The following PTPRT variants were observed in gnomAD, a reference collection of about 807,000 sequenced individuals.
PTPRT encodes the protein protein tyrosine phosphatase receptor type T.
Under a neutral mutation model 176.8 loss-of-function variants are expected in PTPRT, and 56 were observed. The ratio of observed to expected loss-of-function variants is 0.32; its 90% CI spans 0.26 to 0.40. The LOEUF (loss-of-function observed/expected upper bound fraction) is 0.40. Among genes scored for constraint, PTPRT ranks in the 10% least tolerant of loss-of-function variants. PTPRT has a pLI of 1.00. For missense variants in PTPRT, 1,540 were observed against 1,908.2 expected (o/e 0.81, Z 3.60); for synonymous variants, 783 against 739.0 (o/e 1.06, Z -0.96).
chr20:42,751,496 T>C (rs770465698), intron 6 of PTPRT, among the ~76,000 whole-genome samples: 7 of 152,138 alleles, frequency 4.6e-5, no homozygotes, highest in African/African-American at 1.4e-4. Context: ...TGCAAAGTAT[T>C]GTTTCTGGGT....
At chr20:42,695,125 AG>A (rs2075854667) in intron 6 of PTPRT, among the ~76,000 whole-genome samples, 1 of 152,240 alleles carries the variant, frequency 6.6e-6, no homozygotes, top group Non-Finnish European at 1.5e-5. Context: ...TCTAGACATT[AG>A]TCCTTTGTCA....
At chr20:42,347,968 C>T (rs972209560) in intron 11 of PTPRT, among the ~76,000 whole-genome samples, 1 of 152,168 alleles carries the variant, frequency 6.6e-6, no homozygotes, top group East Asian at 1.9e-4. Flanking sequence ...TTTACTGGAG[C>T]CTCAAGAGGA....
intron 15 of PTPRT, among the ~76,000 whole-genome samples, chr20:42,231,598 A>G (rs779782721): frequency 1.3e-5 from 2 of 152,194 alleles, no homozygotes; most frequent in African/African-American, 2.4e-5. Flanking sequence ...CAGGAGCTCA[A>G]TAAGACAGGA....
At chr20:42,114,693 A>G (rs1360424747) in intron 22 of PTPRT, among the ~76,000 whole-genome samples, 1 of 152,152 alleles carries the variant, frequency 6.6e-6, no homozygotes. Context: ...GTGTCAACCA[A>G]AAATGTTGCC....
chr20:43,113,695 CTT>C (rs2012950843), intron 1 of PTPRT, among the ~76,000 whole-genome samples: 1 of 152,166 alleles, frequency 6.6e-6, no homozygotes, highest in African/African-American at 2.4e-5. Flanking sequence ...CAAGGATAGA[CTT>C]AAAACTCCCA....
chr20:42,109,038 T>TAG (rs1986779396), intron 23 of PTPRT, among the ~76,000 whole-genome samples: 1 of 152,088 alleles, frequency 6.6e-6, no homozygotes, highest in Non-Finnish European at 1.5e-5. Flanking sequence ...TGCTATGAGA[T>TAG]ATAAAGCAAA....
intron 1 of PTPRT, among the ~76,000 whole-genome samples, chr20:43,166,733 AAG>A (rs2014869028): frequency 6.6e-6 from 1 of 152,210 alleles, no homozygotes; most frequent in South Asian, 2.1e-4. Context: ...TAAGGGGGGT[AAG>A]AGAGAAAAAC....
At chr20:42,499,399 C>T (rs2071711699) in intron 7 of PTPRT, among the ~76,000 whole-genome samples, 1 of 151,592 alleles carries the variant, frequency 6.6e-6, no homozygotes, top group African/African-American at 2.4e-5. Flanking sequence ...TCAAGCGATT[C>T]TACTGCCTCA....
intron 7 of PTPRT, among the ~76,000 whole-genome samples, chr20:42,508,126 T>TG (rs61231761): frequency 0.15 from 22,750 of 146,802 alleles, 4,495 homozygotes; most frequent in African/African-American, 0.48. Flanking sequence ...AATTACCCTT[T>TG]TTGTGTGTGT....
chr20:42,162,404 G>C (rs1054182146), intron 16 of PTPRT, among the ~76,000 whole-genome samples: 3 of 152,084 alleles, frequency 2.0e-5, no homozygotes, highest in African/African-American at 7.2e-5. Flanking sequence ...TGTCAGTTTG[G>C]TCACCCTGAA....
chr20:42,569,081 A>AATATATAGATATATATATATAT (rs2073104057), intron 7 of PTPRT, among the ~76,000 whole-genome samples: 1 of 30,812 alleles, frequency 3.2e-5, no homozygotes, highest in Non-Finnish European at 5.5e-5. Flanking sequence ...AAAAAAAAAA[A>AATATATAGATATATATATATAT]ATATATATAT....
intron 1 of PTPRT, among the ~76,000 whole-genome samples, chr20:43,051,372 C>A (rs1987034713): frequency 6.6e-6 from 1 of 152,028 alleles, no homozygotes; most frequent in African/African-American, 2.4e-5. Context: ...GCATTTCAAT[C>A]AATGCTCTTT....
At chr20:42,736,044 C>T (rs898484418) in intron 6 of PTPRT, among the ~76,000 whole-genome samples, 2 of 152,158 alleles carry the variant, frequency 1.3e-5, no homozygotes, top group African/African-American at 4.8e-5. Flanking sequence ...GGGAGTGCCA[C>T]CAACTGAGCT....
chr20:42,578,451 A>C (rs970531605), intron 7 of PTPRT, among the ~76,000 whole-genome samples: 2 of 152,128 alleles, frequency 1.3e-5, no homozygotes, highest in African/African-American at 4.8e-5. Flanking sequence ...CCACTGTCTC[A>C]TGTTGTCTAA....
At position 42,926,492 on chromosome 20, in the gene PTPRT, C is replaced by T. The variant is rs150410686; in HGVS notation, c.89-40560G>A. On this transcript the variant is annotated intron_variant, in intron 1 of 30. Transcript: ENST00000373187. ...AATCCTCAAGGGATCCAGGACGACA[C>T]GGGGGACATAATTTAGAGGGGACAG... is the stretch of plus-strand genomic sequence containing the variant. Among the ~76,000 whole-genome samples, 404 of 152,284 alleles carry T rather than the reference C, an allele frequency of 2.7e-3. 1 individual carries two copies. The highest frequency in any genetic ancestry group is 8.9e-3 in the African/African-American group (369 of 41,558).
At chr20:42,934,108 C>T (rs1396695897) in intron 1 of PTPRT, among the ~76,000 whole-genome samples, 1 of 152,216 alleles carries the variant, frequency 6.6e-6, no homozygotes, top group Non-Finnish European at 1.5e-5. Flanking sequence ...ATGACTTTGC[C>T]TTGGGCAGTG....
intron 6 of PTPRT, among the ~76,000 whole-genome samples, chr20:42,683,260 T>G (rs942115743): frequency 6.6e-6 from 1 of 150,528 alleles, no homozygotes; most frequent in Non-Finnish European, 1.5e-5. Flanking sequence ...TGGCTTTCCT[T>G]TTACTTGTTT....
chr20:42,844,872 C>CT (rs1256333021), intron 2 of PTPRT, among the ~76,000 whole-genome samples: 1 of 152,188 alleles, frequency 6.6e-6, no homozygotes, highest in Non-Finnish European at 1.5e-5. Context: ...CCCATGGTCC[C>CT]TGCCTGCCAT....
chr20:42,998,189 T>C (rs983361502), intron 1 of PTPRT, among the ~76,000 whole-genome samples: 1 of 152,204 alleles, frequency 6.6e-6, no homozygotes, highest in Non-Finnish European at 1.5e-5. Context: ...ACTAGCTGTC[T>C]CTCTGGACCA....
Sources: gnomAD v4.1 joint callset for allele counts (sites outside exome capture counted in the v4.1 genomes callset) on GRCh38, gnomAD v4.1.1 for gene constraint, MANE v1.5 for transcripts, NCBI Gene and HGNC (gene_info 2026-07-23, HGNC 2026-07-21) for gene names.